Variants in PEX10 observed in about 807,000 individuals in gnomAD.
PEX10 encodes peroxisomal biogenesis factor 10.
PEX10 carries 32 observed loss-of-function variants against 38.0 expected under a neutral mutation model. The observed-to-expected ratio is 0.84, with a 90% CI of 0.63 to 1.13. The LOEUF is 1.13. Ranked by LOEUF, PEX10 falls within the 50% of genes most tolerant of loss-of-function variation. The pLI is 0.00. For synonymous variants in PEX10, 206 were observed against 207.3 expected (o/e 0.99, Z 0.05); for missense variants, 483 against 457.7 (o/e 1.06, Z -0.51).
chr1:2,412,545 C>CGCAGCCACGCCGG lies in PEX10; in HGVS notation c.-44_-43insCCGGCGTGGCTGC. 1 of 1,282,588 alleles carries CGCAGCCACGCCGG rather than the reference C, an allele frequency of 7.8e-7. No individual in the cohort carries two copies. The highest frequency in any genetic ancestry group is 9.9e-7 in the Non-Finnish European group (1 of 1,010,212). 79.5% of individuals were successfully genotyped at this position (1,282,588 alleles called of 1,614,324 possible). On this transcript the variant is annotated 5_prime_UTR_variant, in exon 1 of 6. Coordinates refer to ENST00000447513, the MANE Select transcript of PEX10 (RefSeq NM_002617.4). Reference sequence around the variant, plus strand: ...GTCCCGAGCAGCCACGCCGGCCACGCCCACGCCCAGACGGGCGAGAACTGA... The same window carrying CGCAGCCACGCCGG: ...GTCCCGAGCAGCCACGCCGGCCACGCGCAGCCACGCCGGCCACGCCCAGACGGGCGAGAACTGA...
At chr1:2,411,934 G>A (rs1202268406) in intron 1 of PEX10, among the ~76,000 whole-genome samples, 1 of 152,264 alleles carries the variant, frequency 6.6e-6, no homozygotes, top group Admixed American at 6.5e-5. Context: ...TGCTGCTCAG[G>A]CCTAGGAAAG....
chr1:2,405,882 T>TG, intron 5 of PEX10, 48 bp from the exon 6 acceptor site: 2 of 1,420,234 alleles, frequency 1.4e-6, no homozygotes, highest in Non-Finnish European at 1.9e-6. Context: ...CACTGGGCCA[T>TG]GCCCATCCCC....
intron 3 of PEX10, among the ~76,000 whole-genome samples, chr1:2,407,357 G>A (rs1413173946): frequency 3.9e-5 from 6 of 152,242 alleles, no homozygotes; most frequent in Admixed American, 3.3e-4. Context: ...GCTTCTGACC[G>A]TGCCACTGAA....
At chr1:2,412,616 A>G (rs1379891961), upstream of PEX10, 2 of 861,286 alleles carry the variant, frequency 2.3e-6, no homozygotes, top group Non-Finnish European at 1.5e-6. Flanking sequence ...CTCTGCGTCA[A>G]GGTGCTGGGG....
In PEX10 at chr1:2,405,456, C is replaced by A; in HGVS notation, c.*310G>T. 1.9e-6 allele frequency: 1 copy of A among 515,624 alleles called. No homozygotes were observed. The highest frequency in any genetic ancestry group is 3.5e-5 in the East Asian group (1 of 28,358). The allele number at this position is 515,624 out of a possible 1,614,324, so 31.9% of individuals were successfully genotyped here. On this transcript the variant is annotated 3_prime_UTR_variant, in exon 6 of 6. Transcript: ENST00000447513. Reference sequence around the variant, plus strand: ...GGCCTACTTCTGAATTACTTCTCAACTGTATGGTTTGGGGAAGGGAGGGAA... The same window carrying A: ...GGCCTACTTCTGAATTACTTCTCAAATGTATGGTTTGGGGAAGGGAGGGAA...
upstream of PEX10, chr1:2,412,591 G>C (rs1404748772): frequency 1.9e-6 from 2 of 1,046,238 alleles, no homozygotes; most frequent in Non-Finnish European, 2.5e-6. Context: ...ACGTGGCTCT[G>C]CGTGCGGCGC....
chr1:2,407,625 A>G (rs1333341890), intron 3 of PEX10, among the ~76,000 whole-genome samples: 1 of 152,204 alleles, frequency 6.6e-6, no homozygotes, highest in Non-Finnish European at 1.5e-5. Context: ...GCAAGAAACC[A>G]CATCAAATAC....
At position 2,405,780 on chromosome 1, in the gene PEX10, G is replaced by T; in HGVS notation, c.967C>A (p.Arg323=). ...KFPPQKLIYL[R]HYR ...CGGGCGCCGGCTCAGCGGTAGTGCC[G>T]AAGGTAGATGAGCTTCTGGGGAGGG... The change falls in exon 6 of 6, where the codon CGG becomes AGG. Residue 323 remains arginine, a synonymous_variant. Coordinates refer to ENST00000447513, the MANE Select transcript of PEX10 (RefSeq NM_002617.4). The T allele has an allele frequency of 6.2e-7, 1 of 1,603,202 alleles. No homozygotes were observed. Among genetic ancestry groups the T allele is most frequent in the Non-Finnish European group, 8.5e-7 (1 of 1,175,218 alleles).
At position 2,409,981 on chromosome 1, in the gene PEX10, C is replaced by T. The variant is rs534043338; in HGVS notation, c.193+390G>A. On this transcript the variant is annotated intron_variant, in intron 2 of 5. Coordinates refer to ENST00000447513, the MANE Select transcript of PEX10 (RefSeq NM_002617.4). The surrounding 1 kb of genome is among the most constrained non-coding windows in gnomAD (Gnocchi z 6.2). ...GCCTGAGAGCTTCTGTCAACAACTC[C>T]CTCTAAAGGGTGGTGACCAGCCTGG... is the stretch of plus-strand genomic sequence containing the variant. 20 of 286,590 alleles carry T rather than the reference C, an allele frequency of 7.0e-5. No homozygotes were observed. The East Asian group carries it at 1.4e-3, about 20-fold the overall frequency. The allele number at this position is 286,590 out of a possible 1,614,324, so 17.8% of individuals were successfully genotyped here.
chr1:2,408,696 G>C lies in PEX10; in HGVS notation c.356C>G (p.Ala119Gly). 2 of 1,613,348 alleles carry C rather than the reference G, an allele frequency of 1.2e-6. No homozygotes were observed. Among genetic ancestry groups the C allele is most frequent in the Non-Finnish European group, 1.7e-6 (2 of 1,179,776 alleles). ...CAAGGGTCGCCCACTGTCGGGGTCA[G>C]CCTGCAGCTCCTGCTCCAGGGGGAG... is the stretch of plus-strand genomic sequence containing the variant. The part of the protein sequence containing the change: ...ALLPLEQELQ[A>G]DPDSGRPLQG... Residue 119 changes from alanine to glycine, a missense_variant, in exon 3 of 6, where the codon GCT becomes GGT. Transcript: ENST00000447513.
chr1:2,411,534 C>CT (rs77098501), intron 1 of PEX10, among the ~76,000 whole-genome samples: 48 of 146,248 alleles, frequency 3.3e-4, no homozygotes, highest in South Asian at 1.3e-3. Flanking sequence ...CACCCGGCAT[C>CT]TTTTTTTTTT....
At chr1:2,407,685 C>T (rs1031158477) in intron 3 of PEX10, among the ~76,000 whole-genome samples, 19 of 152,150 alleles carry the variant, frequency 1.2e-4, no homozygotes, top group Non-Finnish European at 2.2e-4. Context: ...ATTGGCTCTG[C>T]GACGAGGTCA....
At chr1:2,412,576 G>T, upstream of PEX10, 1 of 1,121,450 alleles carries the variant, frequency 8.9e-7, no homozygotes, top group Non-Finnish European at 1.1e-6. Context: ...ACTGATGACG[G>T]CACGACGTGG....
upstream of PEX10, among the ~76,000 whole-genome samples, chr1:2,412,831 G>A (rs1643312522): frequency 6.6e-6 from 1 of 152,140 alleles, no homozygotes; most frequent in Non-Finnish European, 1.5e-5. Context: ...TCGCGGCCGC[G>A]TGGTTGCTGC....
At position 2,411,574 on chromosome 1, in the gene PEX10, C is replaced by T. The variant is rs1178456871; in HGVS notation, c.112+817G>A. On this transcript the variant is annotated intron_variant, in intron 1 of 5. Coordinates refer to ENST00000447513, the MANE Select transcript of PEX10 (RefSeq NM_002617.4). ...TTTTAATCGGTGATGGGGTCTGGCC[C>T]CGTCGCCCAGGCTGGAGTGCAGCGG... 2.0e-5 allele frequency among the ~76,000 whole-genome samples: 3 copies of T among 151,764 alleles called. No individual in the cohort carries two copies. The East Asian group carries it at 5.8e-4, about 29-fold the overall frequency.
At position 2,409,186 on chromosome 1, in the gene PEX10, C is replaced by A. The variant is rs889334539; in HGVS notation, c.194-328G>T. Among the ~76,000 whole-genome samples the A allele has an allele frequency of 3.3e-5, 5 of 152,272 alleles. No homozygotes were observed. The highest frequency in any genetic ancestry group is 1.2e-4 in the African/African-American group (5 of 41,548). On this transcript the variant is annotated intron_variant, in intron 2 of 5. Transcript: ENST00000447513. This position sits in a 1 kb window ranked among gnomAD's most constrained non-coding sequence, Gnocchi z 6.2. Reference sequence around the variant, plus strand: ...CCCTAGCTGTCCCCGCCACCTCCCCCAGCCCAAGCACTCGGATCCAGTCCC... The same window carrying A: ...CCCTAGCTGTCCCCGCCACCTCCCCAAGCCCAAGCACTCGGATCCAGTCCC...
Position 2,408,454 on chromosome 1 carries a change from A to G in PEX10, c.598T>C (p.Tyr200His). ...TGCCCTCAGCGCCTGCTACTTACGT[A>G]CGTGATCCCCGTGAGCCTCTTGGCC... ...HLAKRLTGITYLRVRSLPGED... is the reference protein window; with the variant it reads ...HLAKRLTGITHLRVRSLPGED... Residue 200 changes from tyrosine to histidine, a missense_variant and splice_region_variant, in exon 3 of 6, where the codon TAC becomes CAC. Coordinates refer to ENST00000447513, the MANE Select transcript of PEX10 (RefSeq NM_002617.4). The G allele has an allele frequency of 4.3e-6, 7 of 1,612,938 alleles. No homozygotes were observed. Among genetic ancestry groups the G allele is most frequent in the African/African-American group, 1.3e-5 (1 of 75,048 alleles).
At chr1:2,411,230 CTTTTTTTTTTTTT>C (rs140273455) in intron 1 of PEX10, among the ~76,000 whole-genome samples, 1 of 114,026 alleles carries the variant, frequency 8.8e-6, no homozygotes, top group East Asian at 2.6e-4. Flanking sequence ...ATGGCTTTGC[CTTTTTTTTTTTTT>C]TTTTTTTTTT....
intron 4 of PEX10, 40 bp downstream of exon 4, chr1:2,406,680 C>G: frequency 6.2e-7 from 1 of 1,610,806 alleles, no homozygotes; most frequent in Non-Finnish European, 8.5e-7. Context: ...GTGAAGTGCC[C>G]AGGACACCCC....
Sources: allele counts gnomAD v4.1 joint callset (sites outside exome capture counted in the v4.1 genomes callset), GRCh38; gene constraint gnomAD v4.1.1; non-coding constraint Gnocchi (gnomAD v3.1); transcripts MANE v1.5; gene names NCBI Gene and HGNC (gene_info 2026-07-23, HGNC 2026-07-21).